PDE12: variants seen among roughly 807,000 people sequenced by gnomAD.
PDE12 encodes 2',5'-phosphodiesterase 12.
In PDE12, 26 loss-of-function variants were observed where a neutral mutation model predicts 45.4. The ratio of observed to expected loss-of-function variants is 0.57; its 90% CI spans 0.42 to 0.79. The LOEUF (loss-of-function observed/expected upper bound fraction) is 0.79. PDE12 is among the 30% of genes least tolerant of loss of function. PDE12 has a pLI of 0.00. For missense variants in PDE12, 668 were observed against 790.0 expected (o/e 0.85, Z 1.85); for synonymous variants, 283 against 323.9 (o/e 0.87, Z 1.36).
chr3:57,631,473 C>A, the PDE12 span, among the ~76,000 whole-genome samples: 1 of 152,120 alleles, frequency 6.6e-6, no homozygotes, highest in Non-Finnish European at 1.5e-5. Context: ...GGATTACAGG[C>A]GTGAACTACC....
Position 57,557,264 on chromosome 3 carries a change from C to T in PDE12, c.885C>T (p.Ile295=). The T allele has an allele frequency of 6.2e-7, 1 of 1,613,954 alleles. No homozygotes were observed. The highest frequency in any genetic ancestry group is 1.1e-5 in the South Asian group (1 of 91,084). Residue 295 remains isoleucine, a synonymous_variant, in exon 1 of 3, where the codon ATC becomes ATT. Transcript: ENST00000311180. ...AGAAGGTGACTGAGGACGCTCTCAT[C>T]CGCACTGTCTCTTACAACATCCTGG... The part of the protein sequence containing the change: ...YTKKVTEDAL[I]RTVSYNILAD...
the PDE12 span, among the ~76,000 whole-genome samples, chr3:57,605,274 A>T: frequency 6.6e-6 from 1 of 152,150 alleles, no homozygotes; most frequent in Non-Finnish European, 1.5e-5. Flanking sequence ...GCAGCACAGA[A>T]AGAGAGAGAG....
At chr3:57,581,670 C>T in the PDE12 span, among the ~76,000 whole-genome samples, 2 of 152,118 alleles carry the variant, frequency 1.3e-5, no homozygotes, top group South Asian at 4.1e-4. Flanking sequence ...TGTGGTGGCG[C>T]ATGCCTGAAG....
At chr3:57,627,930 G>T in the PDE12 span, 1 of 261,502 alleles carries the variant, frequency 3.8e-6, no homozygotes, top group Admixed American at 4.9e-5. Context: ...CACTAATACT[G>T]ATGGCCCACA....
the PDE12 span, chr3:57,641,678 A>C: frequency 4.3e-6 from 7 of 1,613,016 alleles, no homozygotes; most frequent in Non-Finnish European, 5.9e-6. Flanking sequence ...CTCCTATTCG[A>C]ATAATGTGTG....
Position 57,560,400 on chromosome 3 carries a change from A to G in PDE12, c.*396A>G, listed in dbSNP as rs552031796. 1.4e-6 allele frequency: 1 copy of G among 702,850 alleles called. No individual in the cohort carries two copies. Among genetic ancestry groups the G allele is most frequent in the Admixed American group, 5.6e-5 (1 of 17,930 alleles). The allele number at this position is 702,850 out of a possible 1,614,324, so 43.5% of individuals were successfully genotyped here. ...GAGTGCAATGGCACAATCTCGGCTC[A>G]CTGCAACCTCCGCCCCCTGGGTTTA... On this transcript the variant is annotated 3_prime_UTR_variant, in exon 3 of 3. Transcript: ENST00000311180.
the PDE12 span, chr3:57,625,871 A>T: frequency 6.6e-6 from 1 of 152,582 alleles, no homozygotes; most frequent in South Asian, 2.1e-4. Context: ...GCTGTGCAAA[A>T]TAGACTTGAA....
chr3:57,560,347 T>C lies in PDE12; in HGVS notation c.*343T>C. The C allele has an allele frequency of 1.3e-5, 13 of 1,019,082 alleles. No individual in the cohort carries two copies. The highest frequency in any genetic ancestry group is 1.7e-5 in the African/African-American group (1 of 57,438). 63.1% of individuals were successfully genotyped at this position (1,019,082 alleles called of 1,614,324 possible). ...TGTTTTTGTTTTTGTTTTTTTGAGATGGAGTTTCACTCTTGTTGCCCAGGC... is the reference window on the plus strand; with the variant it reads ...TGTTTTTGTTTTTGTTTTTTTGAGACGGAGTTTCACTCTTGTTGCCCAGGC... On this transcript the variant is annotated 3_prime_UTR_variant, in exon 3 of 3. Coordinates refer to ENST00000311180, the MANE Select transcript of PDE12 (RefSeq NM_177966.7).
At chr3:57,620,806 A>T in the PDE12 span, among the ~76,000 whole-genome samples, 2 of 152,206 alleles carry the variant, frequency 1.3e-5, no homozygotes, top group East Asian at 3.8e-4. Flanking sequence ...ATTACAAAAC[A>T]TTGCTGAGAG....
chr3:57,598,524 G>C, the PDE12 span, among the ~76,000 whole-genome samples: 4 of 152,320 alleles, frequency 2.6e-5, no homozygotes, highest in African/African-American at 9.6e-5. Context: ...GCTCATGCCT[G>C]TAATCCCAGC....
chr3:57,610,170 A>G, the PDE12 span, among the ~76,000 whole-genome samples: 9 of 152,146 alleles, frequency 5.9e-5, no homozygotes, highest in Admixed American at 1.3e-4. Flanking sequence ...AAAGGCCTTT[A>G]ACAAAATTCA....
chr3:57,586,993 G>A, the PDE12 span, among the ~76,000 whole-genome samples: 25 of 151,986 alleles, frequency 1.6e-4, no homozygotes, highest in South Asian at 4.8e-3. Flanking sequence ...AGTTATCACC[G>A]GAGGTCCAAC....
chr3:57,603,642 G>T, the PDE12 span, among the ~76,000 whole-genome samples: 2 of 140,616 alleles, frequency 1.4e-5, no homozygotes, highest in Non-Finnish European at 3.1e-5. Context: ...TTTTTTTTGA[G>T]ATGAAGTTTC....
the PDE12 span, among the ~76,000 whole-genome samples, chr3:57,621,913 C>T: frequency 2.0e-5 from 3 of 152,228 alleles, no homozygotes; most frequent in East Asian, 1.9e-4. Flanking sequence ...CAGTGGCTCA[C>T]GCCTGTAATC....
At chr3:57,608,504 A>G in the PDE12 span, among the ~76,000 whole-genome samples, 1 of 152,038 alleles carries the variant, frequency 6.6e-6, no homozygotes, top group Non-Finnish European at 1.5e-5. Flanking sequence ...TCTCATGTGC[A>G]GAGACACACA....
the PDE12 span, among the ~76,000 whole-genome samples, chr3:57,615,038 G>A: frequency 6.7e-6 from 1 of 148,944 alleles, no homozygotes; most frequent in Non-Finnish European, 1.5e-5. Flanking sequence ...GGCTCCGCCT[G>A]TAATCCTGGG....
the PDE12 span, chr3:57,626,204 G>A: frequency 6.6e-6 from 1 of 152,562 alleles, no homozygotes; most frequent in Non-Finnish European, 1.5e-5. Flanking sequence ...GTATCCATAA[G>A]AACAGGGCAC....
chr3:57,604,224 A>G, the PDE12 span, among the ~76,000 whole-genome samples: 2 of 152,102 alleles, frequency 1.3e-5, no homozygotes, highest in East Asian at 3.9e-4. Context: ...CCCAGCAGAA[A>G]TTTTTTTTAA....
At chr3:57,591,017 A>C in the PDE12 span, among the ~76,000 whole-genome samples, 1 of 152,228 alleles carries the variant, frequency 6.6e-6, no homozygotes, top group South Asian at 2.1e-4. Context: ...TTTTCAGATG[A>C]GACATTTAAT....
Sources: allele counts gnomAD v4.1 joint callset (sites outside exome capture counted in the v4.1 genomes callset), GRCh38; gene constraint gnomAD v4.1.1; transcripts MANE v1.5; gene names NCBI Gene and HGNC (gene_info 2026-07-23, HGNC 2026-07-21).